The following RCBTB1 variants were observed in gnomAD, a reference collection of about 807,000 sequenced individuals.
The protein encoded by RCBTB1 is RCC1 and BTB domain-containing protein 1.
A neutral mutation model predicts 62.4 loss-of-function variants in RCBTB1; 46 were observed. That is an observed-to-expected ratio of 0.74 (90% CI 0.58 to 0.94). The LOEUF is 0.94. Among genes scored for constraint, RCBTB1 ranks in the 40% least tolerant of loss-of-function variants. RCBTB1 has a pLI of 0.00. For missense variants in RCBTB1, 565 were observed against 654.9 expected, an observed-to-expected ratio of 0.86 and a Z score of 1.50; for synonymous variants, 222 against 245.8, an observed-to-expected ratio of 0.90 and a Z score of 0.91.
At chr13:49,560,430 G>T (rs1962342951) in intron 4 of RCBTB1, among the ~76,000 whole-genome samples, 1 of 152,180 alleles carries the variant, frequency 6.6e-6, no homozygotes, top group Non-Finnish European at 1.5e-5. Flanking sequence ...TGATAAGAAA[G>T]CTCGATGTTA....
At position 49,557,730 on chromosome 13, in the gene RCBTB1, G is replaced by A. The variant is rs115332381; in HGVS notation, c.445-2057C>T. Among the ~76,000 whole-genome samples the A allele has an allele frequency of 8.9e-3, 1,346 of 151,866 alleles. 13 individuals carry two copies. Among genetic ancestry groups the A allele is most frequent in the African/African-American group, 0.031 (1,284 of 41,364 alleles). ...AGCCCAGGAGTTCAAGACCAGCCTG[G>A]GCAACATAGCCAGATTCTTGTCTCT... On this transcript the variant is annotated intron_variant, in intron 5 of 12. Coordinates refer to ENST00000378302, the MANE Select transcript of RCBTB1 (RefSeq NM_018191.4).
chr13:49,566,891 T>G, intron 3 of RCBTB1, 123 bp from the exon 4 acceptor site: 1 of 982,670 alleles, frequency 1.0e-6, no homozygotes, highest in Non-Finnish European at 1.5e-6. Flanking sequence ...GAGACTGATA[T>G]GGTTGTTAAG....
chr13:49,568,459 A>G (rs12431331), intron 2 of RCBTB1, among the ~76,000 whole-genome samples: 47,581 of 152,050 alleles, frequency 0.31, 8,814 homozygotes, highest in East Asian at 0.6. Flanking sequence ...TACTGTTACT[A>G]GCTATTAATA....
At chr13:49,567,401 C>T (rs1252598211) in intron 2 of RCBTB1, 81 bp from the exon 3 acceptor site, 2 of 965,646 alleles carry the variant, frequency 2.1e-6, no homozygotes, top group Admixed American at 5.1e-5. Context: ...TTAATAAATA[C>T]TAACAAAAGC....
intron 2 of RCBTB1, among the ~76,000 whole-genome samples, chr13:49,568,266 T>A (rs570793517): frequency 3.7e-4 from 56 of 152,230 alleles, no homozygotes; most frequent in Non-Finnish European, 6.6e-4. Context: ...TTCCATTACA[T>A]CGATTTAGCA....
At chr13:49,538,979 C>A (rs936392383) in intron 12 of RCBTB1, among the ~76,000 whole-genome samples, 1 of 150,954 alleles carries the variant, frequency 6.6e-6, no homozygotes, top group African/African-American at 2.4e-5. Context: ...AAGCAATTCT[C>A]CTGCCTCAGC....
chr13:49,551,145 A>AAG, intron 8 of RCBTB1, 181 bp downstream of exon 8: 1 of 418,850 alleles, frequency 2.4e-6, no homozygotes, highest in Non-Finnish European at 3.8e-6. Flanking sequence ...AGAAGGGGGA[A>AAG]GGGGGAAGCA....
intron 2 of RCBTB1, among the ~76,000 whole-genome samples, chr13:49,579,610 C>T (rs1029769705): frequency 2.3e-5 from 3 of 133,252 alleles, no homozygotes; most frequent in Admixed American, 8.1e-5. Context: ...GGTGACAGAT[C>T]GAGACTTGTC....
At chr13:49,566,872 A>AG in intron 3 of RCBTB1, 104 bp from the exon 4 acceptor site, 1 of 1,094,516 alleles carries the variant, frequency 9.1e-7, no homozygotes, top group Non-Finnish European at 1.3e-6. Context: ...AGAGCTCAGG[A>AG]GGTGAAAAGA....
intron 6 of RCBTB1, 130 bp downstream of exon 6, chr13:49,555,385 G>A: frequency 1.3e-6 from 1 of 781,330 alleles, no homozygotes; most frequent in Non-Finnish European, 2.1e-6. Flanking sequence ...TCAGTAATCA[G>A]TTAACTTTCA....
At chr13:49,579,299 G>A (rs1034686009) in intron 2 of RCBTB1, among the ~76,000 whole-genome samples, 2 of 152,150 alleles carry the variant, frequency 1.3e-5, no homozygotes, top group Admixed American at 6.5e-5. Flanking sequence ...TGTCATCCAC[G>A]TCTCTCTTCT....
rs1960331356 is a variant in RCBTB1 at position 49,541,149 on chromosome 13, CT to C, written c.1325-144del. 4 of 659,596 alleles carry C rather than the reference CT, an allele frequency of 6.1e-6. No homozygotes were observed. The South Asian group carries it at 8.9e-5, about 15-fold the overall frequency. The allele number at this position is 659,596 out of a possible 1,614,324, so 40.9% of individuals were successfully genotyped here. ...TTCTGAATTTGAGTAAATAAATTCT[CT>C]TTTTTACTGTCTGCCTCCTCCACTT... On this transcript the variant is annotated intron_variant, in intron 11 of 12. Transcript: ENST00000378302.
chr13:49,573,787 CT>C lies in RCBTB1; in HGVS notation c.-41-6468del, dbSNP rs563725059. 2.7e-3 allele frequency among the ~76,000 whole-genome samples: 339 copies of C among 125,576 alleles called. 1 individual carries two copies. The highest frequency in any genetic ancestry group is 0.014 in the Middle Eastern group (3 of 210). The allele number at this position is 125,576 out of a possible 152,430, so 82.4% of individuals were successfully genotyped here. On this transcript the variant is annotated intron_variant, in intron 2 of 12. Coordinates refer to ENST00000378302, the MANE Select transcript of RCBTB1 (RefSeq NM_018191.4). Reference sequence around the variant, plus strand: ...TTAAAATATAGTCCCAAATTTCTCTCTTTTTTTTTTTTTTGAGACAGAGCCT... The same window carrying C: ...TTAAAATATAGTCCCAAATTTCTCTCTTTTTTTTTTTTTGAGACAGAGCCT...
At chr13:49,576,177 CAAAAAAAAAAAA>C (rs71078868) in intron 2 of RCBTB1, among the ~76,000 whole-genome samples, 215 of 39,990 alleles carry the variant, frequency 5.4e-3, no homozygotes, top group African/African-American at 0.026. Context: ...ACAGGCGTCG[CAAAAAAAAAAAA>C]AAAAAAAAAA....
At chr13:49,534,862 C>A (rs970698207) in intron 12 of RCBTB1, among the ~76,000 whole-genome samples, 1 of 151,948 alleles carries the variant, frequency 6.6e-6, no homozygotes, top group African/African-American at 2.4e-5. Context: ...AGGGAAACCC[C>A]GTCTCTAGTA....
intron 9 of RCBTB1, chr13:49,546,870 C>T (rs764925896): frequency 3.1e-5 from 25 of 814,800 alleles, no homozygotes; most frequent in South Asian, 5.6e-5. Context: ...TAACAGGCCA[C>T]GGACCAGTAC....
chr13:49,575,868 A>C (rs540523804), intron 2 of RCBTB1, among the ~76,000 whole-genome samples: 85 of 152,252 alleles, frequency 5.6e-4, no homozygotes, highest in African/African-American at 2.0e-3. Flanking sequence ...ACAAACCTGC[A>C]TATGTACTCC....
intron 6 of RCBTB1, 97 bp downstream of exon 6, chr13:49,555,418 C>G: frequency 1.9e-6 from 2 of 1,060,006 alleles, no homozygotes; most frequent in South Asian, 1.4e-5. Context: ...AAACAAAGCA[C>G]TCTTCCTTCT....
chr13:49,558,695 CAAAAAAA>C lies in RCBTB1; in HGVS notation c.444+1216_444+1222del, dbSNP rs1186659232. ...GGCAAGAAGGGTGAAACTCTGTCTC[CAAAAAAA>C]AAAAAAAAAAAAAAATTCACAAAGT... On this transcript the variant is annotated intron_variant, in intron 5 of 12. Transcript: ENST00000378302. Among the ~76,000 whole-genome samples, 122 of 59,374 alleles carry C rather than the reference CAAAAAAA, an allele frequency of 2.1e-3. 2 individuals are homozygous for C. The highest frequency in any genetic ancestry group is 0.015 in the Admixed American group (83 of 5,534). The allele number at this position is 59,374 out of a possible 152,430, so 39.0% of individuals were successfully genotyped here.
Sources: gnomAD v4.1 joint callset for allele counts (sites outside exome capture counted in the v4.1 genomes callset) on GRCh38, gnomAD v4.1.1 for gene constraint, MANE v1.5 for transcripts, NCBI Gene and HGNC (gene_info 2026-07-23, HGNC 2026-07-21) for gene names.